ERC1: variants seen among roughly 807,000 people sequenced by gnomAD.
The protein encoded by ERC1 is RAB6 interacting protein 2.
ERC1 carries 56 observed loss-of-function variants against 132.0 expected under a neutral mutation model. The ratio of observed to expected loss-of-function variants is 0.42; its 90% CI spans 0.34 to 0.53. The LOEUF is 0.53. Among genes scored for constraint, ERC1 ranks in the 20% least tolerant of loss-of-function variants. ERC1 has a pLI of 0.03. For synonymous variants in ERC1, 478 were observed against 476.1 expected (o/e 1.00, Z -0.05); for missense variants, 1,202 against 1,349.9 (o/e 0.89, Z 1.72).
chr12:1,462,414 G>C (rs540496443), intron 18 of ERC1, among the ~76,000 whole-genome samples: 4 of 152,166 alleles, frequency 2.6e-5, no homozygotes, highest in Non-Finnish European at 5.9e-5. Flanking sequence ...AAGTCCAAAA[G>C]TGGAAACAAC....
chr12:1,119,827 G>A (rs970171400), intron 7 of ERC1, among the ~76,000 whole-genome samples: 3 of 152,026 alleles, frequency 2.0e-5, no homozygotes, highest in Admixed American at 2.0e-4. Flanking sequence ...TGGGATTACA[G>A]GTGTGAGCCA....
chr12:1,029,142 C>T (rs61918695), intron 2 of ERC1, among the ~76,000 whole-genome samples: 23,123 of 152,072 alleles, frequency 0.15, 2,060 homozygotes, highest in Non-Finnish European at 0.2. Flanking sequence ...TCATTGAGGT[C>T]AGGAGTTCGA....
chr12:1,405,662 C>G (rs1368525048), intron 16 of ERC1, among the ~76,000 whole-genome samples: 1 of 152,104 alleles, frequency 6.6e-6, no homozygotes, highest in Admixed American at 6.6e-5. Context: ...AGGATCACGC[C>G]ATTGCACTCC....
chr12:1,272,313 C>G (rs1466157528), intron 14 of ERC1, among the ~76,000 whole-genome samples: 2 of 152,234 alleles, frequency 1.3e-5, no homozygotes, highest in East Asian at 1.9e-4. Flanking sequence ...AGGCACTGCT[C>G]TCACTGGTTG....
intron 3 of ERC1, among the ~76,000 whole-genome samples, chr12:1,101,159 A>C (rs1944614746): frequency 6.6e-6 from 1 of 152,170 alleles, no homozygotes; most frequent in Non-Finnish European, 1.5e-5. Context: ...TTCCTATTAA[A>C]GCTTCCATGA....
chr12:990,952 A>AGTGTGTGTGTGAGT (rs1959180740), upstream of ERC1: 1 of 150,032 alleles, frequency 6.7e-6, no homozygotes, highest in Admixed American at 6.6e-5. Context: ...TGTGTGTGTG[A>AGTGTGTGTGTGAGT]GTGTGTGTGT....
intron 15 of ERC1, among the ~76,000 whole-genome samples, chr12:1,311,271 CT>C (rs1229657150): frequency 1.3e-5 from 2 of 152,146 alleles, no homozygotes; most frequent in African/African-American, 4.8e-5. Flanking sequence ...GACAAAACTA[CT>C]TGGCAAGAAA....
intron 12 of ERC1, among the ~76,000 whole-genome samples, chr12:1,209,430 TA>T (rs1228421030): frequency 6.6e-6 from 1 of 151,694 alleles, no homozygotes; most frequent in African/African-American, 2.4e-5. Flanking sequence ...CTCTAATTCT[TA>T]GGTGAGATTG....
At chr12:1,437,482 A>G (rs1424774377) in intron 17 of ERC1, among the ~76,000 whole-genome samples, 1 of 152,232 alleles carries the variant, frequency 6.6e-6, no homozygotes, top group Non-Finnish European at 1.5e-5. Flanking sequence ...ACACATAGAT[A>G]TGCTCAGCCA....
chr12:1,141,924 CTTGTTGCGGTAGGTAGA>C, intron 8 of ERC1, 137 bp downstream of exon 8: 1 of 624,564 alleles, frequency 1.6e-6, no homozygotes, highest in Non-Finnish European at 2.5e-6. Flanking sequence ...ATTTGGAACT[CTTGTTGCGGTAGGTAGA>C]TTGTTAAGAC....
At chr12:1,372,086 C>G in intron 16 of ERC1, 109 bp downstream of exon 16, 1 of 1,281,696 alleles carries the variant, frequency 7.8e-7, no homozygotes, top group African/African-American at 1.5e-5. Context: ...TATTAGACAT[C>G]TGATCATTGG....
chr12:1,260,385 T>C (rs2077067442), intron 13 of ERC1, among the ~76,000 whole-genome samples: 1 of 152,228 alleles, frequency 6.6e-6, no homozygotes. Context: ...TTCTAAACTT[T>C]ACAGAAAGAG....
intron 12 of ERC1, among the ~76,000 whole-genome samples, chr12:1,204,702 A>G (rs532831939): frequency 1.3e-5 from 2 of 152,312 alleles, no homozygotes; most frequent in South Asian, 4.1e-4. Flanking sequence ...TTGAAAAGGT[A>G]GTGTGAGTAG....
At chr12:1,330,927 C>G (rs1412363234) in intron 15 of ERC1, among the ~76,000 whole-genome samples, 1 of 152,102 alleles carries the variant, frequency 6.6e-6, no homozygotes, top group Non-Finnish European at 1.5e-5. Flanking sequence ...TTCACTGATT[C>G]TGTCTTCAGC....
chr12:1,390,674 CTG>C (rs1430449655), intron 16 of ERC1: 3 of 152,196 alleles, frequency 2.0e-5, no homozygotes, highest in African/African-American at 7.2e-5. Context: ...CAAAATAAAA[CTG>C]TGGTCAAACC....
chr12:1,206,594 C>T (rs1328902441), intron 12 of ERC1, among the ~76,000 whole-genome samples: 1 of 152,050 alleles, frequency 6.6e-6, no homozygotes, highest in Non-Finnish European at 1.5e-5. Flanking sequence ...TTCAGACATA[C>T]ACATCTTTTT....
intron 16 of ERC1, among the ~76,000 whole-genome samples, chr12:1,387,844 A>G (rs55698438): frequency 0.024 from 3,622 of 152,336 alleles, 80 homozygotes; most frequent in Middle Eastern, 0.11. Flanking sequence ...AAACTAACAC[A>G]TGGAGTAGGT....
At chr12:1,139,662 A>G (rs937387640) in intron 7 of ERC1, among the ~76,000 whole-genome samples, 3 of 152,048 alleles carry the variant, frequency 2.0e-5, no homozygotes, top group Non-Finnish European at 2.9e-5. Flanking sequence ...GGCCCAGAAA[A>G]CTGTTTAATT....
At chr12:1,366,960 A>G (rs539629086) in intron 15 of ERC1, among the ~76,000 whole-genome samples, 57 of 152,316 alleles carry the variant, frequency 3.7e-4, no homozygotes, top group South Asian at 1.9e-3. Flanking sequence ...GAGGGCAGGT[A>G]TTTCAGTGAG....
Sources: allele counts gnomAD v4.1 joint callset (sites outside exome capture counted in the v4.1 genomes callset), GRCh38; gene constraint gnomAD v4.1.1; transcripts MANE v1.5; gene names NCBI Gene and HGNC (gene_info 2026-07-23, HGNC 2026-07-21).